Variants in CSMD1 observed in about 807,000 individuals in gnomAD.
CSMD1 encodes the protein CUB and Sushi multiple domains 1, also known as CUB and sushi domain-containing protein 1.
A neutral mutation model predicts 417.5 loss-of-function variants in CSMD1; 213 were observed. That is an observed-to-expected ratio of 0.51 (90% CI 0.46 to 0.57). The LOEUF is 0.57. Ranked by LOEUF, CSMD1 falls within the 20% of genes least tolerant of loss-of-function variation. CSMD1 has a pLI of 0.00. For synonymous variants in CSMD1, 2,862 were observed against 1,736.8 expected, an observed-to-expected ratio of 1.65 and a Z score of -16.11; for missense variants, 6,923 against 4,529.7, an observed-to-expected ratio of 1.53 and a Z score of -15.17.
intron 1 of CSMD1, among the ~76,000 whole-genome samples, chr8:4,898,539 C>G (rs532605031): frequency 1.6e-4 from 25 of 152,192 alleles, no homozygotes; most frequent in Non-Finnish European, 2.8e-4. Context: ...CTTTATGCCT[C>G]TGTTCTTTTA....
At chr8:3,864,039 G>A (rs1018361861) in intron 5 of CSMD1, among the ~76,000 whole-genome samples, 3 of 152,096 alleles carry the variant, frequency 2.0e-5, no homozygotes, top group African/African-American at 7.2e-5. Flanking sequence ...GCAAATCTTA[G>A]TGAAGATGAA....
intron 1 of CSMD1, among the ~76,000 whole-genome samples, chr8:4,730,543 A>C (rs1809777261): frequency 6.6e-6 from 1 of 152,058 alleles, no homozygotes; most frequent in Non-Finnish European, 1.5e-5. Flanking sequence ...GATGGAGACC[A>C]TCCTGGCTAA....
At chr8:4,409,563 C>G (rs1039074162) in intron 3 of CSMD1, among the ~76,000 whole-genome samples, 1 of 151,936 alleles carries the variant, frequency 6.6e-6, no homozygotes, top group African/African-American at 2.4e-5. Flanking sequence ...ACATGCCACT[C>G]AACACTTCAG....
intron 49 of CSMD1, among the ~76,000 whole-genome samples, chr8:3,084,170 C>T (rs1390001661): frequency 3.9e-5 from 6 of 152,156 alleles, no homozygotes; most frequent in Admixed American, 3.9e-4. Context: ...AAGTCTCTTT[C>T]TGTCATATGA....
chr8:3,645,716 G>C (rs1388986509), intron 7 of CSMD1, among the ~76,000 whole-genome samples: 2 of 152,128 alleles, frequency 1.3e-5, no homozygotes, highest in Admixed American at 6.5e-5. Context: ...GCTCTGCAAG[G>C]AACATGGAAG....
chr8:3,673,241 C>T (rs575746371), intron 7 of CSMD1, among the ~76,000 whole-genome samples: 13 of 152,296 alleles, frequency 8.5e-5, no homozygotes, highest in African/African-American at 2.2e-4. Flanking sequence ...TTTCCAAATT[C>T]GTTTCTATTG....
At chr8:4,084,913 AAAAC>A (rs1459559915) in intron 3 of CSMD1, among the ~76,000 whole-genome samples, 1 of 152,006 alleles carries the variant, frequency 6.6e-6, no homozygotes, top group East Asian at 1.9e-4. Flanking sequence ...AACAAAAACA[AAAAC>A]AAAACTACAA....
chr8:4,713,246 G>C (rs1286133997), intron 1 of CSMD1, among the ~76,000 whole-genome samples: 1 of 152,228 alleles, frequency 6.6e-6, no homozygotes, highest in African/African-American at 2.4e-5. Context: ...AATTACTCAA[G>C]TACAGAAGGA....
rs1292885614 is a variant in CSMD1, at chr8:4,931,822, G to C, written c.85+62510C>G. Among the ~76,000 whole-genome samples the C allele has an allele frequency of 4.6e-5, 7 of 152,270 alleles. No individual in the cohort carries two copies. In the South Asian group the frequency reaches 1.0e-3, roughly 23 times the overall value. ...ATTTGCAAACATTTTAGCTTGTTAA[G>C]AGTTTTAAAATGCAGTATATTTTTA... On this transcript the variant is annotated intron_variant, in intron 1 of 69. Transcript: ENST00000635120.
chr8:4,092,897 AAC>A (rs1431162471), intron 3 of CSMD1, among the ~76,000 whole-genome samples: 1 of 152,196 alleles, frequency 6.6e-6, no homozygotes, highest in East Asian at 1.9e-4. Context: ...GACTTGCCAA[AAC>A]ACAAGTTTTT....
intron 2 of CSMD1, among the ~76,000 whole-genome samples, chr8:4,501,407 G>T (rs769678453): frequency 6.6e-6 from 1 of 152,014 alleles, no homozygotes; most frequent in African/African-American, 2.4e-5. Flanking sequence ...GCAATAGAAC[G>T]TAGAGCAAAG....
intron 1 of CSMD1, among the ~76,000 whole-genome samples, chr8:4,756,010 G>C (rs13267754): frequency 0.087 from 13,255 of 152,184 alleles, 704 homozygotes; most frequent in South Asian, 0.12. Flanking sequence ...TGAGTATTAA[G>C]TCATTTGCTA....
At chr8:4,058,028 G>A (rs1002517998) in intron 3 of CSMD1, among the ~76,000 whole-genome samples, 6 of 151,400 alleles carry the variant, frequency 4.0e-5, no homozygotes, top group Admixed American at 6.6e-5. Context: ...CTCTTTTTTG[G>A]TTCCATATGA....
intron 6 of CSMD1, among the ~76,000 whole-genome samples, chr8:3,721,703 T>C (rs917664854): frequency 3.3e-5 from 5 of 152,184 alleles, no homozygotes; most frequent in African/African-American, 4.8e-5. Context: ...TTAAATAACA[T>C]GTTAAATGAA....
At chr8:3,729,173 G>A (rs1205786860) in intron 6 of CSMD1, among the ~76,000 whole-genome samples, 1 of 152,208 alleles carries the variant, frequency 6.6e-6, no homozygotes, top group Non-Finnish European at 1.5e-5. Context: ...TTCATGACAA[G>A]ACTTACTGCC....
intron 5 of CSMD1, among the ~76,000 whole-genome samples, chr8:3,927,354 A>C (rs1238798474): frequency 6.6e-6 from 1 of 151,926 alleles, no homozygotes; most frequent in African/African-American, 2.4e-5. Context: ...TGGAAAAAGG[A>C]AAGGTATCAC....
intron 10 of CSMD1, among the ~76,000 whole-genome samples, chr8:3,509,984 T>C (rs981810651): frequency 8.5e-5 from 13 of 152,240 alleles, no homozygotes; most frequent in Middle Eastern, 3.4e-3. Context: ...TGTCAAAAAA[T>C]TGCAAATGCA....
In CSMD1 at chr8:4,406,087, G is replaced by C. The variant is rs548272022; in HGVS notation, c.415+13866C>G. ...TTTATTTTTGGTCTATTAGTAAAAT[G>C]ACAGCACTAATTCATTTCACAGCGG... On this transcript the variant is annotated intron_variant, in intron 3 of 69. Coordinates refer to ENST00000635120, the MANE Select transcript of CSMD1 (RefSeq NM_033225.6). 2.6e-5 allele frequency among the ~76,000 whole-genome samples: 4 copies of C among 152,302 alleles called. No homozygotes were observed. In the East Asian group the frequency reaches 5.8e-4, roughly 22 times the overall value.
chr8:4,633,759 C>T (rs1001985373), intron 2 of CSMD1, among the ~76,000 whole-genome samples: 2 of 152,010 alleles, frequency 1.3e-5, no homozygotes, highest in African/African-American at 4.8e-5. Context: ...GGGGTTTCAT[C>T]ATATTGGCCA....
Sources: gnomAD v4.1 joint callset for allele counts (sites outside exome capture counted in the v4.1 genomes callset) on GRCh38, gnomAD v4.1.1 for gene constraint, MANE v1.5 for transcripts, NCBI Gene and HGNC (gene_info 2026-07-23, HGNC 2026-07-21) for gene names.